The following SERPINA5 variants were observed in gnomAD, a reference collection of about 807,000 sequenced individuals.
The protein encoded by SERPINA5 is serpin family A member 5, also known as plasma serine protease inhibitor.
In SERPINA5, 25 loss-of-function variants were observed where a neutral mutation model predicts 25.3. The observed-to-expected ratio is 0.99, with a 90% CI of 0.72 to 1.38. The LOEUF (loss-of-function observed/expected upper bound fraction) is 1.38, where lower values mean the gene tolerates loss of function less well. SERPINA5 is among the 40% of genes most tolerant of loss of function. SERPINA5 has a pLI of 0.00. For missense variants in SERPINA5, 599 were observed against 509.5 expected, an observed-to-expected ratio of 1.18 and a Z score of -1.69; for synonymous variants, 234 against 206.2, an observed-to-expected ratio of 1.14 and a Z score of -1.16.
rs567613997 is a variant in SERPINA5, at chr14:94,592,451, C to T, written c.*212C>T. 10 of 523,354 alleles carry T rather than the reference C, an allele frequency of 1.9e-5. No homozygotes were observed. Among genetic ancestry groups the T allele is most frequent in the East Asian group, 1.6e-4 (5 of 31,462 alleles). 32.4% of individuals were successfully genotyped at this position (523,354 alleles called of 1,614,324 possible). On this transcript the variant is annotated 3_prime_UTR_variant, in exon 6 of 6. Coordinates refer to ENST00000329597, the MANE Select transcript of SERPINA5 (RefSeq NM_000624.6). Reference sequence around the variant, plus strand: ...AAATGTGGAGAACATTCAATCTTGCCGTCACTATTCATCAATGAAGATTAA... The same window carrying T: ...AAATGTGGAGAACATTCAATCTTGCTGTCACTATTCATCAATGAAGATTAA...
chr14:94,592,357 A>G lies in SERPINA5; in HGVS notation c.*118A>G. 2.1e-6 allele frequency: 2 copies of G among 952,668 alleles called. No individual in the cohort carries two copies. Among genetic ancestry groups the G allele is most frequent in the Non-Finnish European group, 3.2e-6 (2 of 633,646 alleles). 59.0% of individuals were successfully genotyped at this position (952,668 alleles called of 1,614,324 possible). ...CACAGGTTTAGTTGACTAATGAGGC[A>G]TTACAAATAATATTACTCTATGATG... On this transcript the variant is annotated 3_prime_UTR_variant, in exon 6 of 6. Coordinates refer to ENST00000329597, the MANE Select transcript of SERPINA5 (RefSeq NM_000624.6).
intron 2 of SERPINA5, 144 bp from the exon 3 acceptor site, chr14:94,587,202 T>C (rs952147419): frequency 2.7e-6 from 2 of 729,472 alleles, no homozygotes; most frequent in Non-Finnish European, 4.5e-6. Context: ...TAAACCCTCA[T>C]GCCCAGTCTT....
At chr14:94,589,611 A>G (rs557201256) in intron 3 of SERPINA5, among the ~76,000 whole-genome samples, 2 of 152,356 alleles carry the variant, frequency 1.3e-5, no homozygotes, top group South Asian at 2.1e-4. Context: ...TCCAGGATCC[A>G]TACTAACTTC....
rs1885328468 is a variant in SERPINA5, at chr14:94,592,156, C to T, written c.1138C>T (p.Gln380Ter). 5 of 1,614,062 alleles carry T rather than the reference C, an allele frequency of 3.1e-6. No individual in the cohort carries two copies. Among genetic ancestry groups the T allele is most frequent in the African/African-American group, 1.3e-5 (1 of 74,926 alleles). Residue 380 changes from glutamine to a stop codon, truncating the protein, a stop_gained, in exon 6 of 6, where the codon CAG (glutamine) becomes TAG (stop). Coordinates refer to ENST00000329597, the MANE Select transcript of SERPINA5 (RefSeq NM_000624.6). LOFTEE classifies it low-confidence loss of function (END_TRUNC). ...FTFRSARLNS[Q>*]RLVFNRPFLM... ...TTTCAGGTCGGCCCGCCTGAACTCT[C>T]AGAGGCTAGTGTTCAACAGGCCCTT...
chr14:94,584,281 AC>A (rs1885005583), intron 2 of SERPINA5, among the ~76,000 whole-genome samples: 1 of 152,222 alleles, frequency 6.6e-6, no homozygotes, highest in Non-Finnish European at 1.5e-5. Flanking sequence ...GAGTGAGTTT[AC>A]TTTTGGAAAA....
At chr14:94,589,418 A>T (rs566195271) in intron 3 of SERPINA5, among the ~76,000 whole-genome samples, 1 of 152,142 alleles carries the variant, frequency 6.6e-6, no homozygotes, top group African/African-American at 2.4e-5. Context: ...ACTGCACTCC[A>T]GCATGGGTCA....
chr14:94,592,173 C>T lies in SERPINA5; in HGVS notation c.1155C>T (p.Asn385=), dbSNP rs772723912. 19 of 1,614,088 alleles carry T rather than the reference C, an allele frequency of 1.2e-5. No individual in the cohort carries two copies. The highest frequency in any genetic ancestry group is 1.4e-5 in the Non-Finnish European group (17 of 1,180,038). ...TGAACTCTCAGAGGCTAGTGTTCAA[C>T]AGGCCCTTTCTGATGTTCATTGTGG... ...ARLNSQRLVF[N]RPFLMFIVDN... The change falls in exon 6 of 6, where the codon AAC becomes AAT. Residue 385 remains asparagine (N), a synonymous_variant. Transcript: ENST00000329597.
chr14:94,589,009 C>G (rs1429556115), intron 3 of SERPINA5, among the ~76,000 whole-genome samples: 2 of 152,196 alleles, frequency 1.3e-5, no homozygotes, highest in African/African-American at 4.8e-5. Context: ...AACATTGAGA[C>G]CACAGCAGTG....
In SERPINA5 at chr14:94,583,202, G is replaced by T. The variant is rs189562123; in HGVS notation, c.-18+1492G>T. 6.4e-4 allele frequency among the ~76,000 whole-genome samples: 97 copies of T among 152,292 alleles called. 1 individual carries two copies. The highest frequency in any genetic ancestry group is 4.6e-3 in the East Asian group (24 of 5,184). On this transcript the variant is annotated intron_variant, in intron 2 of 5. Coordinates refer to ENST00000329597, the MANE Select transcript of SERPINA5 (RefSeq NM_000624.6). ...CCATGAGTTTCTTAGGCGAGGAAGC[G>T]CTGTGACCATATTTATGATTGAAGG...
At chr14:94,586,208 G>T (rs1487972568) in intron 2 of SERPINA5, among the ~76,000 whole-genome samples, 1 of 152,152 alleles carries the variant, frequency 6.6e-6, no homozygotes, top group Non-Finnish European at 1.5e-5. Context: ...CCCCACAAAG[G>T]CCTCCCTGAG....
Position 94,590,738 on chromosome 14 carries a change from T to C in SERPINA5, c.891-11T>C, listed in dbSNP as rs1270456426. 1 of 1,612,992 alleles carries C rather than the reference T, an allele frequency of 6.2e-7. No homozygotes were observed. Among genetic ancestry groups the C allele is most frequent in the Admixed American group, 1.7e-5 (1 of 59,968 alleles). ...CAGAACAGTCTAAGAAAGCTCCTTTTCCCTTTCCAGGCAGCTCGAGCTTTA... is the reference window on the plus strand; with the variant it reads ...CAGAACAGTCTAAGAAAGCTCCTTTCCCCTTTCCAGGCAGCTCGAGCTTTA... On this transcript the variant is annotated splice_polypyrimidine_tract_variant and intron_variant, in intron 4 of 5. Coordinates refer to ENST00000329597, the MANE Select transcript of SERPINA5 (RefSeq NM_000624.6).
chr14:94,587,756 G>A lies in SERPINA5; in HGVS notation c.394G>A (p.Ala132Thr). The change falls in exon 3 of 6, where the codon GCC (alanine) becomes ACC (threonine). Residue 132 changes from alanine to threonine, a missense_variant. Ala to Thr is a moderately conservative substitution (Grantham distance 58). Coordinates refer to ENST00000329597, the MANE Select transcript of SERPINA5 (RefSeq NM_000624.6). ...TGGCTTCCAGCTGAGCCTCGGCAATGCCCTTTTCACCGACCTGGTGGTAGA... is the reference window on the plus strand; with the variant it reads ...TGGCTTCCAGCTGAGCCTCGGCAATACCCTTTTCACCGACCTGGTGGTAGA... ...RDGFQLSLGN[A>T]LFTDLVVDLQ... is the part of the protein sequence containing the mutation. The A allele has an allele frequency of 1.2e-6, 2 of 1,614,198 alleles. No homozygotes were observed. Among genetic ancestry groups the A allele is most frequent in the Non-Finnish European group, 1.7e-6 (2 of 1,180,040 alleles).
chr14:94,582,308 G>A (rs751314845), intron 2 of SERPINA5: 3 of 152,238 alleles, frequency 2.0e-5, no homozygotes, highest in African/African-American at 4.8e-5. Context: ...TCAGGAAACC[G>A]AAGCATGAAG....
chr14:94,588,028 G>A, intron 3 of SERPINA5, 47 bp downstream of exon 3: 2 of 1,572,200 alleles, frequency 1.3e-6, no homozygotes, highest in African/African-American at 1.4e-5. Context: ...CTTTTCTGCT[G>A]CTTTTATCTA....
chr14:94,586,768 G>C (rs1885099276), intron 2 of SERPINA5: 1 of 152,352 alleles, frequency 6.6e-6, no homozygotes, highest in African/African-American at 2.4e-5. Flanking sequence ...CCTGGGGGAA[G>C]GAGAAGGGGA....
In SERPINA5 at chr14:94,592,190, T is replaced by A; in HGVS notation, c.1172T>A (p.Phe391Tyr). Residue 391 changes from phenylalanine (F) to tyrosine (Y), a missense_variant, in exon 6 of 6, where the codon TTC becomes TAC. Physicochemically the swap from Phe to Tyr is conservative, Grantham distance 22. Coordinates refer to ENST00000329597, the MANE Select transcript of SERPINA5 (RefSeq NM_000624.6). ...GTGTTCAACAGGCCCTTTCTGATGT[T>A]CATTGTGGATAACAACATCCTCTTC... is the stretch of plus-strand genomic sequence containing the variant. The part of the protein sequence containing the change: ...RLVFNRPFLM[F>Y]IVDNNILFLG... 6.2e-7 allele frequency: 1 copy of A among 1,614,190 alleles called. No individual in the cohort carries two copies. Among genetic ancestry groups the A allele is most frequent in the African/African-American group, 1.3e-5 (1 of 75,054 alleles).
chr14:94,583,105 C>G (rs1032811586), intron 2 of SERPINA5, among the ~76,000 whole-genome samples: 2 of 152,182 alleles, frequency 1.3e-5, no homozygotes, highest in African/African-American at 4.8e-5. Context: ...CCAGGTGCAG[C>G]CAGGTCACAG....
In SERPINA5 at chr14:94,592,719, G is replaced by A. The variant is rs951893572; in HGVS notation, c.*480G>A. 1 of 157,226 alleles carries A rather than the reference G, an allele frequency of 6.4e-6. No homozygotes were observed. Among genetic ancestry groups the A allele is most frequent in the African/African-American group, 2.4e-5 (1 of 41,510 alleles). The allele number at this position is 157,226 out of a possible 1,614,324, so 9.7% of individuals were successfully genotyped here. ...ATGTTGGAATGGGAGTCTGAAATGG[G>A]GCTACTGTTTCAGTCCTAATGTGCT... On this transcript the variant is annotated 3_prime_UTR_variant, in exon 6 of 6. Coordinates refer to ENST00000329597, the MANE Select transcript of SERPINA5 (RefSeq NM_000624.6).
Position 94,587,396 on chromosome 14 carries a change from C to G in SERPINA5, c.34C>G (p.Leu12Val). Reference protein sequence around the residue: ...QLFLLLCLVLLSPQGASLHRH... With the variant: ...QLFLLLCLVLVSPQGASLHRH... ...CTTCCTCCTCTTGTGCCTGGTGCTT[C>G]TCAGCCCTCAGGGGGCCTCCCTTCA... Residue 12 changes from leucine (L) to valine (V), a missense_variant, in exon 3 of 6, where the codon CTC (leucine) becomes GTC (valine). Physicochemically the swap from Leu to Val is conservative, Grantham distance 32. Coordinates refer to ENST00000329597, the MANE Select transcript of SERPINA5 (RefSeq NM_000624.6). The G allele has an allele frequency of 1.2e-6, 2 of 1,612,788 alleles. No homozygotes were observed. The highest frequency in any genetic ancestry group is 1.7e-6 in the Non-Finnish European group (2 of 1,179,502).
Sources: allele counts gnomAD v4.1 joint callset (sites outside exome capture counted in the v4.1 genomes callset), GRCh38; gene constraint gnomAD v4.1.1; transcripts MANE v1.5; gene names NCBI Gene and HGNC (gene_info 2026-07-23, HGNC 2026-07-21).